NACC2: variants seen among roughly 807,000 people sequenced by gnomAD.
The protein encoded by NACC2 is NACC family member 2.
Under a neutral mutation model 25.1 loss-of-function variants are expected in NACC2, and 8 were observed. The ratio of observed to expected loss-of-function variants is 0.32; its 90% CI spans 0.19 to 0.57. NACC2 has a LOEUF of 0.57. Among genes scored for constraint, NACC2 ranks in the 20% least tolerant of loss-of-function variants. The probability of loss-of-function intolerance (pLI) is 0.89; values close to 1 mark genes in which losing one functional copy is unlikely to be tolerated. For missense variants in NACC2, 644 were observed against 650.2 expected (o/e 0.99, Z 0.10); for synonymous variants, 435 against 294.7 (o/e 1.48, Z -4.88).
At chr9:136,048,691 G>C (rs1006251511) in intron 2 of NACC2, among the ~76,000 whole-genome samples, 2 of 152,242 alleles carry the variant, frequency 1.3e-5, no homozygotes, top group African/African-American at 4.8e-5. Context: ...CTGCTGTCCC[G>C]GCTGTGGTGA....
At chr9:136,083,839 C>T (rs1054000001) in intron 1 of NACC2, among the ~76,000 whole-genome samples, 6 of 152,230 alleles carry the variant, frequency 3.9e-5, no homozygotes, top group Non-Finnish European at 8.8e-5. Context: ...AGGGGACCCC[C>T]GGCCTGGCTG....
At chr9:136,072,945 T>C (rs1011188801) in intron 1 of NACC2, among the ~76,000 whole-genome samples, 26 of 152,112 alleles carry the variant, frequency 1.7e-4, no homozygotes, top group Non-Finnish European at 2.9e-4. Context: ...AATAAAATAT[T>C]TGTAGAATCC....
At chr9:136,069,928 G>A (rs927265579) in intron 1 of NACC2, among the ~76,000 whole-genome samples, 3 of 151,920 alleles carry the variant, frequency 2.0e-5, no homozygotes, top group Middle Eastern at 3.2e-3. Context: ...CAGAGATAGA[G>A]TGAGTTAAAT....
chr9:136,017,645 G>A (rs571518930), intron 2 of NACC2, among the ~76,000 whole-genome samples: 106 of 152,222 alleles, frequency 7.0e-4, no homozygotes, highest in African/African-American at 2.4e-3. Context: ...CACATGCCAC[G>A]GTGGACACCA....
At position 136,008,497 on chromosome 9, in the gene NACC2, A is replaced by G. The variant is rs936685151; in HGVS notation, c.*3019T>C. The G allele has an allele frequency of 6.6e-6, 1 of 152,318 alleles. No individual in the cohort carries two copies. Among genetic ancestry groups the G allele is most frequent in the Non-Finnish European group, 1.5e-5 (1 of 68,110 alleles). 9.4% of individuals were successfully genotyped at this position (152,318 alleles called of 1,614,324 possible). A position where few individuals can be genotyped will look rare whatever the true frequency, so the allele number is the denominator to read the frequency against. ...TGCTAATAGTCAGGCTTAGGGATAA[A>G]GGTGCAGACATCTCATAAATACTGA... On this transcript the variant is annotated 3_prime_UTR_variant, in exon 6 of 6. Transcript: ENST00000277554.
chr9:136,090,761 G>A (rs965983368), intron 1 of NACC2, among the ~76,000 whole-genome samples: 1 of 152,196 alleles, frequency 6.6e-6, no homozygotes, highest in Non-Finnish European at 1.5e-5. Context: ...CCCCTTCACA[G>A]ACTACCAGGG....
At chr9:136,092,919 G>A (rs1323006258) in intron 1 of NACC2, among the ~76,000 whole-genome samples, 1 of 152,192 alleles carries the variant, frequency 6.6e-6, no homozygotes, top group Admixed American at 6.5e-5. Flanking sequence ...GACCCCAAGG[G>A]GCTGTGAGAT....
At chr9:136,023,373 G>A in intron 2 of NACC2, among the ~76,000 whole-genome samples, 1 of 152,002 alleles carries the variant, frequency 6.6e-6, no homozygotes. Context: ...GGAGAACGTG[G>A]GATCCCCGAG....
chr9:136,015,398 C>A (rs748077807), intron 3 of NACC2, among the ~76,000 whole-genome samples: 6 of 152,200 alleles, frequency 3.9e-5, no homozygotes, highest in Non-Finnish European at 8.8e-5. Context: ...CCCCTCCTGG[C>A]CAGGGCAGCC....
intron 3 of NACC2, among the ~76,000 whole-genome samples, chr9:136,016,055 C>T (rs1031220579): frequency 3.3e-5 from 5 of 152,176 alleles, no homozygotes; most frequent in Non-Finnish European, 5.9e-5. Flanking sequence ...AGGAATGCGA[C>T]CAGCCCAGGG....
At chr9:136,066,192 C>CAAAAAAAAAAAAAAAAA (rs35564918) in intron 1 of NACC2, among the ~76,000 whole-genome samples, 1 of 64,538 alleles carries the variant, frequency 1.5e-5, no homozygotes. Flanking sequence ...AACCCCATCT[C>CAAAAAAAAAAAAAAAAA]AAAAAAAAAA....
intron 1 of NACC2, among the ~76,000 whole-genome samples, chr9:136,076,695 T>C (rs970447842): frequency 4.6e-5 from 7 of 152,186 alleles, no homozygotes; most frequent in African/African-American, 1.7e-4. Context: ...TTTCATGTTG[T>C]GTATATTTGA....
chr9:136,072,186 C>T (rs1193041093), intron 1 of NACC2, among the ~76,000 whole-genome samples: 2 of 151,730 alleles, frequency 1.3e-5, no homozygotes, highest in Admixed American at 1.3e-4. Flanking sequence ...TGCAGTTAGC[C>T]GAGATCGTGC....
chr9:136,041,089 C>CAAAAG (rs1840622752), intron 2 of NACC2, among the ~76,000 whole-genome samples: 2 of 20,628 alleles, frequency 9.7e-5, no homozygotes, highest in Non-Finnish European at 3.7e-4. Context: ...AGGAAGGAAG[C>CAAAAG]AAAGGAAAGG....
intron 2 of NACC2, among the ~76,000 whole-genome samples, chr9:136,024,503 A>ATGTGTGTG (rs139555936): frequency 0.028 from 3,521 of 124,688 alleles, 83 homozygotes; most frequent in African/African-American, 0.049. Context: ...TGAGGACAGA[A>ATGTGTGTG]TGTGTGTGTG....
rs1357269263 is a variant in NACC2 at position 136,006,745 on chromosome 9, T to C, written c.*4771A>G. ...AGCCATGGCTAAAAAGTAACAGTCT[T>C]GACTCTACCGAGTAACAGCACAAAA... On this transcript the variant is annotated 3_prime_UTR_variant, in exon 6 of 6. Transcript: ENST00000277554. The C allele has an allele frequency of 2.0e-5, 3 of 152,006 alleles. No homozygotes were observed. Among genetic ancestry groups the C allele is most frequent in the Admixed American group, 6.6e-5 (1 of 15,260 alleles). 9.4% of individuals were successfully genotyped at this position (152,006 alleles called of 1,614,324 possible).
chr9:136,094,802 G>T (rs1228913207), intron 1 of NACC2, among the ~76,000 whole-genome samples: 1 of 151,940 alleles, frequency 6.6e-6, no homozygotes, highest in Admixed American at 6.5e-5. Flanking sequence ...GGGCTGGATC[G>T]GCCAGTCGGG....
chr9:136,082,914 T>C (rs766085755), intron 1 of NACC2, among the ~76,000 whole-genome samples: 4 of 152,188 alleles, frequency 2.6e-5, no homozygotes, highest in Non-Finnish European at 5.9e-5. Flanking sequence ...TGGCCCTCTC[T>C]ACGCCTAGGA....
intron 2 of NACC2, among the ~76,000 whole-genome samples, chr9:136,041,760 AC>A (rs1840636401): frequency 6.6e-6 from 1 of 152,240 alleles, no homozygotes; most frequent in Non-Finnish European, 1.5e-5. Context: ...CGTGTGAATT[AC>A]GTCTCAATAA....
Sources: allele counts gnomAD v4.1 joint callset (sites outside exome capture counted in the v4.1 genomes callset), GRCh38; gene constraint gnomAD v4.1.1; transcripts MANE v1.5; gene names NCBI Gene and HGNC (gene_info 2026-07-23, HGNC 2026-07-21).